SEMA3E: variants seen among roughly 807,000 people sequenced by gnomAD.
SEMA3E encodes the protein semaphorin 3E.
SEMA3E carries 49 observed loss-of-function variants against 93.6 expected under a neutral mutation model. The ratio of observed to expected loss-of-function variants is 0.52; its 90% CI spans 0.42 to 0.66. The LOEUF is 0.66. Among genes scored for constraint, SEMA3E ranks in the 30% least tolerant of loss-of-function variants. SEMA3E has a pLI of 0.00. For synonymous variants in SEMA3E, 363 were observed against 330.7 expected, an observed-to-expected ratio of 1.10 and a Z score of -1.06; for missense variants, 906 against 964.8, an observed-to-expected ratio of 0.94 and a Z score of 0.81.
chr7:83,481,083 C>G (rs1036545069), intron 2 of SEMA3E, among the ~76,000 whole-genome samples: 1 of 151,990 alleles, frequency 6.6e-6, no homozygotes, highest in South Asian at 2.1e-4. Flanking sequence ...CCATGAATGC[C>G]AATGGTTAGA....
chr7:83,530,664 G>A (rs1334880824), intron 1 of SEMA3E, among the ~76,000 whole-genome samples: 1 of 152,078 alleles, frequency 6.6e-6, no homozygotes, highest in Non-Finnish European at 1.5e-5. Context: ...ATCCCCTGAG[G>A]TCAGGAGTTC....
intron 5 of SEMA3E, among the ~76,000 whole-genome samples, chr7:83,411,124 A>G (rs1307432894): frequency 2.0e-5 from 3 of 152,110 alleles, no homozygotes; most frequent in Non-Finnish European, 2.9e-5. Context: ...TTGTTTCAAA[A>G]TTATCGTTTT....
chr7:83,427,372 C>T (rs1330992828), intron 4 of SEMA3E, among the ~76,000 whole-genome samples: 1 of 151,984 alleles, frequency 6.6e-6, no homozygotes, highest in Non-Finnish European at 1.5e-5. Flanking sequence ...CTTTCTTTCC[C>T]TTGTGAAGCT....
At chr7:83,643,145 A>AGAAC in intron 1 of SEMA3E, among the ~76,000 whole-genome samples, 1 of 152,192 alleles carries the variant, frequency 6.6e-6, no homozygotes, top group Non-Finnish European at 1.5e-5. Flanking sequence ...ATGTGGTCAT[A>AGAAC]GAACTGAGGC....
chr7:83,444,387 CTG>C (rs1789181718), intron 4 of SEMA3E, among the ~76,000 whole-genome samples: 1 of 152,116 alleles, frequency 6.6e-6, no homozygotes, highest in Admixed American at 6.5e-5. Context: ...CTTTGTCAAC[CTG>C]AATGTGTAGA....
chr7:83,387,941 G>A (rs868516993), intron 14 of SEMA3E, among the ~76,000 whole-genome samples: 24 of 141,672 alleles, frequency 1.7e-4, no homozygotes, highest in East Asian at 6.0e-4. Flanking sequence ...CATATGTTTC[G>A]AATATATAAA....
intron 2 of SEMA3E, among the ~76,000 whole-genome samples, chr7:83,480,711 A>C (rs1252536805): frequency 2.6e-5 from 4 of 152,126 alleles, no homozygotes; most frequent in African/African-American, 9.7e-5. Context: ...GAATCTATTT[A>C]AGTCTTCTTA....
At chr7:83,444,458 T>C (rs1473735934) in intron 4 of SEMA3E, among the ~76,000 whole-genome samples, 1 of 152,124 alleles carries the variant, frequency 6.6e-6, no homozygotes, top group African/African-American at 2.4e-5. Flanking sequence ...ACTTTAGGGA[T>C]AAATGTCCAG....
intron 1 of SEMA3E, among the ~76,000 whole-genome samples, chr7:83,499,496 ATTGT>A (rs1418604555): frequency 6.6e-6 from 1 of 152,112 alleles, no homozygotes; most frequent in Admixed American, 6.5e-5. Context: ...TACTTTTGTG[ATTGT>A]TCTTACTACA....
chr7:83,503,443 A>T (rs1289248139), intron 1 of SEMA3E, among the ~76,000 whole-genome samples: 1 of 152,170 alleles, frequency 6.6e-6, no homozygotes, highest in Non-Finnish European at 1.5e-5. Context: ...GCAGGCAAAA[A>T]TTATTTAAAT....
At chr7:83,559,930 G>A (rs1055609024) in intron 1 of SEMA3E, among the ~76,000 whole-genome samples, 1 of 152,020 alleles carries the variant, frequency 6.6e-6, no homozygotes, top group South Asian at 2.1e-4. Context: ...ACACATGGAG[G>A]AATCTTAAGT....
At chr7:83,641,332 C>G (rs1369965791) in intron 1 of SEMA3E, 13 of 973,482 alleles carry the variant, frequency 1.3e-5, no homozygotes, top group Non-Finnish European at 1.6e-5. Flanking sequence ...GATATCTTAC[C>G]TGTTCATCTA....
At chr7:83,386,028 C>G (rs1787872995) in intron 15 of SEMA3E, among the ~76,000 whole-genome samples, 1 of 152,128 alleles carries the variant, frequency 6.6e-6, no homozygotes, top group South Asian at 2.1e-4. Context: ...GTACACTTAG[C>G]TGCAGTAGGG....
In SEMA3E at chr7:83,518,503, T is replaced by C. The variant is rs927691363; in HGVS notation, c.116-28229A>G. On this transcript the variant is annotated intron_variant, in intron 1 of 16. Transcript: ENST00000643230. ...CAGTCTAATGTGGGTTCATATCTAA[T>C]CTCATCTTCTTACTAATTATTTGAT... Among the ~76,000 whole-genome samples the C allele has an allele frequency of 2.6e-5, 4 of 152,292 alleles. No homozygotes were observed. The South Asian group carries it at 8.3e-4, about 32-fold the overall frequency.
At chr7:83,609,442 T>C (rs1255564748) in intron 1 of SEMA3E, among the ~76,000 whole-genome samples, 2 of 152,074 alleles carry the variant, frequency 1.3e-5, no homozygotes, top group Non-Finnish European at 2.9e-5. Context: ...ATTTTGTGAA[T>C]ATTTTAGGTA....
At chr7:83,383,809 A>G (rs1173053776) in intron 16 of SEMA3E, among the ~76,000 whole-genome samples, 1 of 152,046 alleles carries the variant, frequency 6.6e-6, no homozygotes, top group Non-Finnish European at 1.5e-5. Flanking sequence ...CTGAGTGAGG[A>G]AAACCACTGA....
At chr7:83,375,580 T>C (rs1334357027) in intron 16 of SEMA3E, among the ~76,000 whole-genome samples, 2 of 152,062 alleles carry the variant, frequency 1.3e-5, no homozygotes, top group South Asian at 2.1e-4. Context: ...TAATTTATAC[T>C]AGAACAAAAG....
intron 1 of SEMA3E, among the ~76,000 whole-genome samples, chr7:83,586,742 A>C (rs1584348013): frequency 6.6e-6 from 1 of 151,928 alleles, no homozygotes; most frequent in Non-Finnish European, 1.5e-5. Context: ...AGGTTTTCCT[A>C]TCCTTGTGTA....
At chr7:83,523,759 T>C (rs1367431695) in intron 1 of SEMA3E, among the ~76,000 whole-genome samples, 2 of 152,152 alleles carry the variant, frequency 1.3e-5, no homozygotes, top group African/African-American at 4.8e-5. Context: ...CCATACATTG[T>C]ATCTATGATT....
Sources: allele counts gnomAD v4.1 joint callset (sites outside exome capture counted in the v4.1 genomes callset), GRCh38; gene constraint gnomAD v4.1.1; transcripts MANE v1.5; gene names NCBI Gene and HGNC (gene_info 2026-07-23, HGNC 2026-07-21).